The following RNF168 variants were observed in gnomAD, a reference collection of about 807,000 sequenced individuals.
RNF168 encodes E3 ubiquitin-protein ligase RNF168.
In RNF168, 34 loss-of-function variants were observed where a neutral mutation model predicts 34.9. That is an observed-to-expected ratio of 0.97 (90% CI 0.74 to 1.30). The LOEUF (loss-of-function observed/expected upper bound fraction) is 1.30, where lower values mean the gene tolerates loss of function less well. RNF168 is among the 50% of genes most tolerant of loss of function. RNF168 has a pLI of 0.00. For missense variants in RNF168, 725 were observed against 682.5 expected (o/e 1.06, Z -0.69); for synonymous variants, 264 against 254.7 (o/e 1.04, Z -0.35).
In RNF168 at chr3:196,472,291, G is replaced by C; in HGVS notation, c.1244C>G (p.Ser415Cys). 6.2e-7 allele frequency: 1 copy of C among 1,613,928 alleles called. No individual in the cohort carries two copies. The highest frequency in any genetic ancestry group is 8.5e-7 in the Non-Finnish European group (1 of 1,179,824). The change falls in exon 6 of 6, where the codon TCC (serine) becomes TGC (cysteine). Residue 415 changes from serine (S) to cysteine (C), a missense_variant. Ser to Cys is a moderately radical substitution (Grantham distance 112, BLOSUM62 -1). Transcript: ENST00000318037. ...TATTTCTGTTTCCTCTTGATCTGGG[G>C]AAGATTCGGGGGACACTTTTCTTCT... ...AKRRKVSPES[S>C]PDQEETEINF...
chr3:196,503,659 T>C lies in RNF168; in HGVS notation c.-486A>G, dbSNP rs547387065. ...CTGCGGGGGAGACGCGCGACTCCCGTGTTCACCTTTCGGGCGCCTGGCGCA... is the reference window on the plus strand; with the variant it reads ...CTGCGGGGGAGACGCGCGACTCCCGCGTTCACCTTTCGGGCGCCTGGCGCA... On this transcript the variant is annotated 5_prime_UTR_variant, in exon 1 of 6. Transcript: ENST00000318037. 2.4e-5 allele frequency: 5 copies of C among 208,028 alleles called. No individual in the cohort carries two copies. Among genetic ancestry groups the C allele is most frequent in the Non-Finnish European group, 4.0e-5 (4 of 100,134 alleles). The allele number at this position is 208,028 out of a possible 1,614,324, so 12.9% of individuals were successfully genotyped here.
chr3:196,476,573 G>A (rs1172716026), intron 4 of RNF168, among the ~76,000 whole-genome samples: 4 of 151,478 alleles, frequency 2.6e-5, no homozygotes, highest in African/African-American at 7.3e-5. Context: ...GTGCCACCAC[G>A]TCCAGCTAAT....
At chr3:196,487,067 C>T (rs533671300) in intron 3 of RNF168, among the ~76,000 whole-genome samples, 2 of 152,298 alleles carry the variant, frequency 1.3e-5, no homozygotes, top group South Asian at 4.1e-4. Flanking sequence ...AAACAAAAAA[C>T]CCCAAAAACC....
intron 4 of RNF168, among the ~76,000 whole-genome samples, chr3:196,479,843 C>T (rs749938728): frequency 3.3e-5 from 5 of 152,234 alleles, no homozygotes; most frequent in Admixed American, 6.5e-5. Context: ...CTGCCTGCCT[C>T]ACCCTCCCAA....
At chr3:196,497,314 C>A (rs75609621) in intron 1 of RNF168, among the ~76,000 whole-genome samples, 9,854 of 152,080 alleles carry the variant, frequency 0.065, 393 homozygotes, top group Middle Eastern at 0.2. Flanking sequence ...AAAAAGTTAA[C>A]CTCAACCCCC....
chr3:196,481,682 GTTTTTTTTT>G lies in RNF168; in HGVS notation c.680+2079_680+2087del, dbSNP rs34739638. On this transcript the variant is annotated intron_variant, in intron 4 of 5. Transcript: ENST00000318037. ...TCTTTTTAAATACGTTTTCAGCTGC[GTTTTTTTTT>G]TTTTTTTTTTTTTTTTTTGAGATAT... Among the ~76,000 whole-genome samples, 149 of 62,388 alleles carry G rather than the reference GTTTTTTTTT, an allele frequency of 2.4e-3. 1 individual carries two copies. Among genetic ancestry groups the G allele is most frequent in the African/African-American group, 8.9e-3 (141 of 15,910 alleles). The allele number at this position is 62,388 out of a possible 152,430, so 40.9% of individuals were successfully genotyped here.
chr3:196,497,255 A>T (rs562414047), intron 1 of RNF168, among the ~76,000 whole-genome samples: 8 of 152,298 alleles, frequency 5.3e-5, no homozygotes, highest in South Asian at 2.1e-4. Flanking sequence ...TATTTTTTTT[A>T]AAAAGTCTTT....
rs57647149 is a variant in RNF168 at position 196,471,196 on chromosome 3, C to CAAAAAAAAAAAAAAAAAAAAAAAAAAA, written c.*596_*622dup. 3 of 40,642 alleles carry CAAAAAAAAAAAAAAAAAAAAAAAAAAA rather than the reference C, an allele frequency of 7.4e-5. No individual in the cohort carries two copies. Among genetic ancestry groups the CAAAAAAAAAAAAAAAAAAAAAAAAAAA allele is most frequent in the Non-Finnish European group, 8.9e-5 (2 of 22,424 alleles). 2.5% of individuals were successfully genotyped at this position (40,642 alleles called of 1,614,324 possible). Reference sequence around the variant, plus strand: ...GCGTGACAGAGCAAGACTCTGTCTCCAAAAAAAAAAAAAAAAAAAAAAAAA... The same window carrying CAAAAAAAAAAAAAAAAAAAAAAAAAAA: ...GCGTGACAGAGCAAGACTCTGTCTCCAAAAAAAAAAAAAAAAAAAAAAAAAAAAAAAAAAAAAAAAAAAAAAAAAAAA... On this transcript the variant is annotated 3_prime_UTR_variant, in exon 6 of 6. Coordinates refer to ENST00000318037, the MANE Select transcript of RNF168 (RefSeq NM_152617.4).
At chr3:196,501,482 A>T (rs766809202) in intron 1 of RNF168, among the ~76,000 whole-genome samples, 1 of 152,200 alleles carries the variant, frequency 6.6e-6, no homozygotes, top group Admixed American at 6.5e-5. Context: ...CCTATATTGC[A>T]TGAGTCCCTT....
chr3:196,479,994 G>T (rs1468728620), intron 4 of RNF168, among the ~76,000 whole-genome samples: 2 of 152,178 alleles, frequency 1.3e-5, no homozygotes, highest in Non-Finnish European at 2.9e-5. Context: ...AAGAATCACA[G>T]TACAGCACGG....
At chr3:196,498,200 G>A (rs936445049) in intron 1 of RNF168, among the ~76,000 whole-genome samples, 2 of 152,012 alleles carry the variant, frequency 1.3e-5, no homozygotes, top group Non-Finnish European at 2.9e-5. Flanking sequence ...CTCTGTCACC[G>A]AGGCTAGAGT....
At chr3:196,486,687 T>C (rs186179370) in intron 3 of RNF168, among the ~76,000 whole-genome samples, 36 of 152,320 alleles carry the variant, frequency 2.4e-4, no homozygotes, top group Admixed American at 2.4e-3. Context: ...GGATAGAGAC[T>C]GATATAAATG....
chr3:196,472,560 T>G lies in RNF168; in HGVS notation c.975A>C (p.Leu325Phe). 1 of 1,614,196 alleles carries G rather than the reference T, an allele frequency of 6.2e-7. No individual in the cohort carries two copies. The highest frequency in any genetic ancestry group is 8.5e-7 in the Non-Finnish European group (1 of 1,180,030). The stretch of plus-strand genomic sequence containing the variant: ...TAGGTCGCTCGTGACTTAAGACACA[T>G]AACTCTTTCCCATGATTGCTTGGTC... ...KTRPSNHGKELCVLSHERPKT... is the reference protein window; with the variant it reads ...KTRPSNHGKEFCVLSHERPKT... The change falls in exon 6 of 6, where the codon TTA becomes TTC. Residue 325 changes from leucine to phenylalanine, a missense_variant. Leu to Phe is a conservative substitution (Grantham distance 22). Coordinates refer to ENST00000318037, the MANE Select transcript of RNF168 (RefSeq NM_152617.4).
intron 4 of RNF168, among the ~76,000 whole-genome samples, chr3:196,482,454 G>C (rs1346934601): frequency 6.6e-6 from 1 of 152,094 alleles, no homozygotes. Flanking sequence ...ATTCTTTTGG[G>C]TACATACCTA....
At chr3:196,485,619 T>C (rs777587571) in intron 3 of RNF168, among the ~76,000 whole-genome samples, 4 of 152,190 alleles carry the variant, frequency 2.6e-5, no homozygotes, top group Non-Finnish European at 5.9e-5. Flanking sequence ...TTTTATTTAG[T>C]TTCCTGATTG....
chr3:196,494,557 T>A (rs1280287665), intron 1 of RNF168, among the ~76,000 whole-genome samples: 1 of 152,234 alleles, frequency 6.6e-6, no homozygotes, highest in African/African-American at 2.4e-5. Context: ...CAGCTCCATG[T>A]AAATGGCAGT....
chr3:196,485,507 AAAAAAT>A (rs1389270320), intron 3 of RNF168, among the ~76,000 whole-genome samples: 4 of 152,066 alleles, frequency 2.6e-5, no homozygotes, highest in Non-Finnish European at 5.9e-5. Flanking sequence ...AAAAAAGTTA[AAAAAAT>A]TATTCTACAG....
At chr3:196,493,198 T>G (rs1732638315) in intron 1 of RNF168, among the ~76,000 whole-genome samples, 1 of 152,190 alleles carries the variant, frequency 6.6e-6, no homozygotes, top group African/African-American at 2.4e-5. Context: ...ACGTGCGATT[T>G]ACAGAAGATG....
intron 1 of RNF168, among the ~76,000 whole-genome samples, chr3:196,490,616 AAAG>A (rs1732569123): frequency 6.6e-6 from 1 of 152,200 alleles, no homozygotes; most frequent in African/African-American, 2.4e-5. Context: ...AGAAAAAAAA[AAAG>A]AAAATCCAGC....
Sources: allele counts gnomAD v4.1 joint callset (sites outside exome capture counted in the v4.1 genomes callset), GRCh38; gene constraint gnomAD v4.1.1; transcripts MANE v1.5; gene names NCBI Gene and HGNC (gene_info 2026-07-23, HGNC 2026-07-21).